The following TAB2 variants were observed in gnomAD, a reference collection of about 807,000 sequenced individuals.
The protein encoded by TAB2 is TGF-beta activated kinase 1 (MAP3K7) binding protein 2.
Under a neutral mutation model 65.0 loss-of-function variants are expected in TAB2, and 3 were observed. That is an observed-to-expected ratio of 0.05 (90% CI 0.02 to 0.12). The LOEUF (loss-of-function observed/expected upper bound fraction) is 0.12, where lower values mean the gene tolerates loss of function less well. TAB2 is among the 10% of genes least tolerant of loss of function. The pLI is 1.00. For missense variants in TAB2, 623 were observed against 840.3 expected (o/e 0.74, Z 3.20); for synonymous variants, 298 against 285.1 (o/e 1.05, Z -0.46).
chr6:149,406,231 T>G (rs1782659974), intron 6 of TAB2, among the ~76,000 whole-genome samples: 1 of 152,206 alleles, frequency 6.6e-6, no homozygotes, highest in Admixed American at 6.5e-5. Context: ...TCTTCAGAGA[T>G]AAAAATTATT....
rs1320888105 is a variant in TAB2 at position 149,367,329 on chromosome 6, G to A, written c.-89-2580G>A. Among the ~76,000 whole-genome samples, 4 of 152,116 alleles carry A rather than the reference G, an allele frequency of 2.6e-5. No homozygotes were observed. In the East Asian group the frequency reaches 7.7e-4, roughly 29 times the overall value. ...TTGATCAACATTCTTAATGACATAA[G>A]AGAAGGGAGTTGCAGGTGGATCTAA... On this transcript the variant is annotated intron_variant, in intron 1 of 6. Transcript: ENST00000637181.
intron 1 of TAB2, among the ~76,000 whole-genome samples, chr6:149,349,285 T>A (rs1224959787): frequency 2.0e-5 from 3 of 151,516 alleles, no homozygotes; most frequent in Admixed American, 2.0e-4. Flanking sequence ...CCAGGCACGG[T>A]GGCACGCGCC....
chr6:149,397,823 A>C (rs1038549015), intron 4 of TAB2, 59 bp downstream of exon 4: 4 of 1,596,258 alleles, frequency 2.5e-6, no homozygotes, highest in East Asian at 2.2e-5. Context: ...GCCATCTAAC[A>C]TAAGTGTAAT....
At chr6:149,228,879 G>A (rs951468371) in intron 1 of TAB2, among the ~76,000 whole-genome samples, 5 of 152,238 alleles carry the variant, frequency 3.3e-5, no homozygotes, top group South Asian at 2.1e-4. Flanking sequence ...ATGTGTGTGT[G>A]TGAGTGCATG....
At chr6:149,332,107 T>A (rs1779802291) in intron 1 of TAB2, among the ~76,000 whole-genome samples, 1 of 152,192 alleles carries the variant, frequency 6.6e-6, no homozygotes, top group South Asian at 2.1e-4. Flanking sequence ...GGAGTTGCCA[T>A]TGACTCAGTT....
chr6:149,330,694 C>T lies in TAB2; in HGVS notation c.-90+12679C>T, dbSNP rs143716354. Among the ~76,000 whole-genome samples, 276 of 152,198 alleles carry T rather than the reference C, an allele frequency of 1.8e-3. 1 individual carries two copies. The highest frequency in any genetic ancestry group is 5.6e-3 in the African/African-American group (231 of 41,542). ...CTATATCCAAGTCCTTTGTTGAATA[C>T]GTGATTTACAAATACTTTCTCCTAG... On this transcript the variant is annotated intron_variant, in intron 1 of 6. Coordinates refer to ENST00000637181, the MANE Select transcript of TAB2 (RefSeq NM_001292034.3).
At chr6:149,285,665 G>A (rs9485370) in intron 1 of TAB2, among the ~76,000 whole-genome samples, 7 of 152,210 alleles carry the variant, frequency 4.6e-5, no homozygotes, top group Non-Finnish European at 8.8e-5. Flanking sequence ...TAAGGAAGGC[G>A]CGTAAGAGAG....
intron 1 of TAB2, among the ~76,000 whole-genome samples, chr6:149,334,541 G>A (rs1779876717): frequency 6.6e-6 from 1 of 152,032 alleles, no homozygotes; most frequent in Non-Finnish European, 1.5e-5. Flanking sequence ...AACTCGGCAG[G>A]TAAAGTGCAC....
At chr6:149,269,875 G>T (rs1055225571) in intron 1 of TAB2, among the ~76,000 whole-genome samples, 1 of 152,072 alleles carries the variant, frequency 6.6e-6, no homozygotes, top group Non-Finnish European at 1.5e-5. Context: ...CCAGTTTTTG[G>T]TGATTACAAA....
At chr6:149,354,250 AAAGAG>A (rs1780583654) in intron 1 of TAB2, among the ~76,000 whole-genome samples, 2 of 152,168 alleles carry the variant, frequency 1.3e-5, no homozygotes, top group African/African-American at 2.4e-5. Context: ...CCTGAAATCG[AAAGAG>A]AAGTAGGTAA....
chr6:149,401,004 C>T (rs1782387274), intron 6 of TAB2: 1 of 252,366 alleles, frequency 4.0e-6, no homozygotes, highest in African/African-American at 2.3e-5. Context: ...CAGGTCTTAT[C>T]TTTATATTCT....
chr6:149,323,185 T>A (rs1016173882), intron 1 of TAB2, among the ~76,000 whole-genome samples: 1 of 152,170 alleles, frequency 6.6e-6, no homozygotes, highest in Non-Finnish European at 1.5e-5. Flanking sequence ...CTTTTAATTT[T>A]AAGCACTGAA....
At chr6:149,344,497 T>C (rs1358048861) in intron 1 of TAB2, among the ~76,000 whole-genome samples, 9 of 152,186 alleles carry the variant, frequency 5.9e-5, no homozygotes, top group Admixed American at 5.9e-4. Flanking sequence ...TTCTAAGTTA[T>C]GGAGATGAAA....
At chr6:149,318,317 G>C (rs1016181190) in intron 1 of TAB2, among the ~76,000 whole-genome samples, 1 of 151,910 alleles carries the variant, frequency 6.6e-6, no homozygotes, top group Admixed American at 6.5e-5. Context: ...GCCTAGGAGA[G>C]CCCCGGGTGG....
intron 1 of TAB2, among the ~76,000 whole-genome samples, chr6:149,271,767 T>C (rs1315838965): frequency 6.6e-6 from 1 of 152,120 alleles, no homozygotes; most frequent in African/African-American, 2.4e-5. Context: ...GTGTGGTAAC[T>C]AAAATCAGAT....
chr6:149,230,917 G>T (rs931756721), intron 1 of TAB2, among the ~76,000 whole-genome samples: 1 of 152,222 alleles, frequency 6.6e-6, no homozygotes, highest in African/African-American at 2.4e-5. Flanking sequence ...AGGCCCCTTG[G>T]CTTCCTGCAT....
chr6:149,402,273 G>A (rs898877572), intron 6 of TAB2, among the ~76,000 whole-genome samples: 18 of 151,768 alleles, frequency 1.2e-4, no homozygotes, highest in Non-Finnish European at 4.4e-5. Flanking sequence ...AGGATCATAA[G>A]GGAATATTAG....
upstream of TAB2, among the ~76,000 whole-genome samples, chr6:149,316,753 T>C (rs1779262389): frequency 1.3e-5 from 2 of 152,146 alleles, no homozygotes; most frequent in South Asian, 4.1e-4. Context: ...AACGTGCAAT[T>C]AAAATAAAAT....
intron 1 of TAB2, among the ~76,000 whole-genome samples, chr6:149,260,234 C>T (rs1454559955): frequency 6.6e-6 from 1 of 152,242 alleles, no homozygotes; most frequent in Non-Finnish European, 1.5e-5. Flanking sequence ...TCTCCTTTGC[C>T]TGACAATTCC....
Sources: allele counts gnomAD v4.1 joint callset (sites outside exome capture counted in the v4.1 genomes callset), GRCh38; gene constraint gnomAD v4.1.1; transcripts MANE v1.5; gene names NCBI Gene and HGNC (gene_info 2026-07-23, HGNC 2026-07-21).